MUC5B: variants seen among roughly 807,000 people sequenced by gnomAD.
MUC5B encodes mucin-5B.
MUC5B carries 116 observed loss-of-function variants against 376.9 expected under a neutral mutation model. The observed-to-expected ratio is 0.31, with a 90% CI of 0.26 to 0.36. The LOEUF (loss-of-function observed/expected upper bound fraction) is 0.36, where lower values mean the gene tolerates loss of function less well. MUC5B is among the 10% of genes least tolerant of loss of function. MUC5B has a pLI of 1.00. For synonymous variants in MUC5B, 3,517 were observed against 3,390.9 expected, an observed-to-expected ratio of 1.04 and a Z score of -1.29; for missense variants, 7,165 against 7,769.9, an observed-to-expected ratio of 0.92 and a Z score of 2.93.
chr11:1,235,521 C>T, intron 23 of MUC5B, 108 bp downstream of exon 23: 1 of 953,510 alleles, frequency 1.0e-6, no homozygotes, highest in Non-Finnish European at 1.6e-6. Context: ...CAGCAGTGTC[C>T]TGGCCCCGGG....
Position 1,247,481 on chromosome 11 carries a change from G to A in MUC5B, c.10601G>A (p.Arg3534Lys). ...GGGACGACCACCCCGGGCCACACCAGGGGCACCTCCAGGACCACAGCCACA... is the reference window on the plus strand; with the variant it reads ...GGGACGACCACCCCGGGCCACACCAAGGGCACCTCCAGGACCACAGCCACA... ...SPGTTTPGHT[R>K]GTSRTTATAT... The change falls in exon 31 of 49, where the codon AGG becomes AAG. Residue 3534 changes from arginine (R) to lysine (K), a missense_variant. Arg to Lys is a conservative substitution (Grantham distance 26). Around this residue, in one of 31 missense-constraint regions of MUC5B, gnomAD observed 939 missense variants for 770.6 expected, o/e 1.22. Transcript: ENST00000529681. The A allele has an allele frequency of 6.2e-7, 1 of 1,606,592 alleles. No homozygotes were observed. Among genetic ancestry groups the A allele is most frequent in the Non-Finnish European group, 8.5e-7 (1 of 1,176,782 alleles).
chr11:1,242,137 C>T lies in MUC5B; in HGVS notation c.5257C>T (p.Leu1753=), dbSNP rs762415832. The T allele has an allele frequency of 6.2e-7, 1 of 1,613,456 alleles. No individual in the cohort carries two copies. The highest frequency in any genetic ancestry group is 1.1e-5 in the South Asian group (1 of 91,080). ...TSLAPTLTSE[L]STSQAETSTP... is the part of the protein sequence containing the mutation. Reference sequence around the variant, plus strand: ...CCTGGCGCCAACACTCACGAGCGAGCTGTCCACCTCTCAGGCCGAGACCAG... The same window carrying T: ...CCTGGCGCCAACACTCACGAGCGAGTTGTCCACCTCTCAGGCCGAGACCAG... Residue 1753 remains leucine (L), a synonymous_variant, in exon 31 of 49, where the codon CTG becomes TTG. Transcript: ENST00000529681.
In MUC5B at chr11:1,242,664, C is replaced by T. The variant is rs531372664; in HGVS notation, c.5784C>T (p.Ser1928=). ...CTGGATCCACGGCCACCCCGACCTC[C>T]ACCCTGAGAACAGCTCCCCCTCCCA... The part of the protein sequence containing the change: ...ASTGSTATPT[S]TLRTAPPPKV... Residue 1928 remains serine, a synonymous_variant, in exon 31 of 49, where the codon TCC becomes TCT. Coordinates refer to ENST00000529681, the MANE Select transcript of MUC5B (RefSeq NM_002458.3). The T allele has an allele frequency of 5.9e-5, 95 of 1,613,702 alleles. No homozygotes were observed. The South Asian group carries it at 9.2e-4, about 16-fold the overall frequency.
chr11:1,240,437 G>A lies in MUC5B; in HGVS notation c.3970+62G>A. The A allele has an allele frequency of 2.1e-6, 3 of 1,440,718 alleles. No homozygotes were observed. The South Asian group carries it at 3.9e-5, about 19-fold the overall frequency. The allele number at this position is 1,440,718 out of a possible 1,614,324, so 89.2% of individuals were successfully genotyped here. ...TCTGGGTGACAAGGAGGACCCCCTG[G>A]GCTCTTAGTGCAGGTGCCCTGTATG... On this transcript the variant is annotated intron_variant, in intron 30 of 48. Transcript: ENST00000529681.
Position 1,254,210 on chromosome 11 carries a change from C to T in MUC5B, c.15336C>T (p.Leu5112=). ...MREIHARFGN[L]SLYLDNHYCT... ...AGATCCATGCACGCTTTGGGAATCTCAGCCTCTACCTGGACAACCACTACT... is the reference window on the plus strand; with the variant it reads ...AGATCCATGCACGCTTTGGGAATCTTAGCCTCTACCTGGACAACCACTACT... Residue 5112 remains leucine (L), a synonymous_variant, in exon 34 of 49, where the codon CTC becomes CTT. Coordinates refer to ENST00000529681, the MANE Select transcript of MUC5B (RefSeq NM_002458.3). 3 of 1,612,800 alleles carry T rather than the reference C, an allele frequency of 1.9e-6. No homozygotes were observed. Among genetic ancestry groups the T allele is most frequent in the Non-Finnish European group, 2.5e-6 (3 of 1,179,876 alleles).
At position 1,258,247 on chromosome 11, in the gene MUC5B, G is replaced by T. The variant is rs779953410; in HGVS notation, c.16555+44G>T. The T allele has an allele frequency of 4.8e-5, 75 of 1,575,926 alleles. No homozygotes were observed. Among genetic ancestry groups the T allele is most frequent in the Non-Finnish European group, 6.3e-5 (73 of 1,160,932 alleles). ...GGGCTCCTGGGTGGCCTCTTGCTGG[G>T]GGTGGGGGAGTGCAGGATGGTGGGG... On this transcript the variant is annotated intron_variant, in intron 42 of 48. Coordinates refer to ENST00000529681, the MANE Select transcript of MUC5B (RefSeq NM_002458.3). This position sits in a 1 kb window ranked among gnomAD's most constrained non-coding sequence, Gnocchi z 5.5.
Position 1,246,473 on chromosome 11 carries a change from G to A in MUC5B, c.9593G>A (p.Ser3198Asn). The A allele has an allele frequency of 1.2e-6, 2 of 1,608,124 alleles. No homozygotes were observed. The highest frequency in any genetic ancestry group is 1.1e-5 in the South Asian group (1 of 90,950). The stretch of plus-strand genomic sequence containing the variant: ...GCTGGCACCCTCAAAGTGCTGACCA[G>A]CACGGCCACCACACCCACAGTCATC... ...ATAGTLKVLT[S>N]TATTPTVISS... The change falls in exon 31 of 49, where the codon AGC becomes AAC. Residue 3198 changes from serine (S) to asparagine (N), a missense_variant. This residue lies in a region of MUC5B where 939 missense variants were observed against 770.6 expected (regional missense o/e 1.22). Transcript: ENST00000529681.
rs1211542994 is a variant in MUC5B, at chr11:1,234,804, G to A, written c.2630+124G>A. 26 of 1,136,756 alleles carry A rather than the reference G, an allele frequency of 2.3e-5. No homozygotes were observed. The highest frequency in any genetic ancestry group is 2.9e-5 in the Non-Finnish European group (24 of 825,654). 70.4% of individuals were successfully genotyped at this position (1,136,756 alleles called of 1,614,324 possible). On this transcript the variant is annotated intron_variant, in intron 21 of 48. Coordinates refer to ENST00000529681, the MANE Select transcript of MUC5B (RefSeq NM_002458.3). The surrounding 1 kb of genome is among the most constrained non-coding windows in gnomAD (Gnocchi z 6.3). ...GGGCAGGGGGCCAGCTGGCCAGGGT[G>A]AGGTGGGGCCGTGGCAGGAGAGAGA...
Position 1,244,947 on chromosome 11 carries a change from A to C in MUC5B, c.8067A>C (p.Ser2689=). ...CACAGACCAGTGGTACTCCCCCATC[A>C]CTGACCACCACGGCCACTACGATCA... ...SSTQTSGTPP[S]LTTTATTITA... The change falls in exon 31 of 49, where the codon TCA becomes TCC. Residue 2689 remains serine (S), a synonymous_variant. Coordinates refer to ENST00000529681, the MANE Select transcript of MUC5B (RefSeq NM_002458.3). 6.4e-7 allele frequency: 1 copy of C among 1,570,740 alleles called. No individual in the cohort carries two copies.
At chr11:1,226,344 T>A (rs1861881901) in intron 3 of MUC5B, 68 bp downstream of exon 3, 1 of 1,519,478 alleles carries the variant, frequency 6.6e-7, no homozygotes, top group East Asian at 2.5e-5. Context: ...GGGGCCCAGA[T>A]CTAGGGGTGC....
chr11:1,252,336 T>C lies in MUC5B; in HGVS notation c.14864-7T>C. On this transcript the variant is annotated splice_polypyrimidine_tract_variant and splice_region_variant and intron_variant, in intron 31 of 48. Coordinates refer to ENST00000529681, the MANE Select transcript of MUC5B (RefSeq NM_002458.3). ...GGCTTATCTTTCTATGGTGTTGTTC[T>C]TCACAGGGGAAGTCATCTACAATAA... The C allele has an allele frequency of 6.5e-7, 1 of 1,538,970 alleles. No individual in the cohort carries two copies. The highest frequency in any genetic ancestry group is 8.8e-7 in the Non-Finnish European group (1 of 1,141,558).
chr11:1,235,075 C>T lies in MUC5B; in HGVS notation c.2631-10C>T. ...CCCCTGTGAGCAGGCACCATTGTGG[C>T]CCCTTGCAGCACCTGCAGGAACCGG... On this transcript the variant is annotated splice_polypyrimidine_tract_variant and intron_variant, in intron 21 of 48. Coordinates refer to ENST00000529681, the MANE Select transcript of MUC5B (RefSeq NM_002458.3). 1 of 1,606,190 alleles carries T rather than the reference C, an allele frequency of 6.2e-7. No individual in the cohort carries two copies. The highest frequency in any genetic ancestry group is 1.1e-5 in the South Asian group (1 of 90,364).
rs558672788 is a variant in MUC5B at position 1,239,407 on chromosome 11, G to A, written c.3455-31G>A. The stretch of plus-strand genomic sequence containing the variant: ...ACAACAGGGGTGAGGGCTGGTGGGC[G>A]CCTCCTTAGCCTCTGCCCTCTGTGC... On this transcript the variant is annotated intron_variant, in intron 26 of 48. Transcript: ENST00000529681. 3.3e-5 allele frequency: 52 copies of A among 1,587,754 alleles called. No homozygotes were observed. The South Asian group carries it at 3.3e-4, about 10-fold the overall frequency.
intron 18 of MUC5B, among the ~76,000 whole-genome samples, chr11:1,233,492 A>G (rs1160094611): frequency 6.6e-6 from 1 of 152,168 alleles, no homozygotes; most frequent in Non-Finnish European, 1.5e-5. Context: ...GGCTGTTCTC[A>G]GCTGGGTCCA....
At chr11:1,231,671 C>A in intron 14 of MUC5B, 111 bp downstream of exon 14, 1 of 1,333,856 alleles carries the variant, frequency 7.5e-7, no homozygotes, top group Non-Finnish European at 1.0e-6. Flanking sequence ...GGGGAGGGGG[C>A]TGCCCCCAGG....
rs373706474 is a variant in MUC5B at position 1,226,232 on chromosome 11, G to C, written c.155G>C (p.Arg52Pro). Residue 52 changes from arginine (R) to proline (P), a missense_variant, in exon 3 of 49, where the codon CGC (arginine) becomes CCC (proline). This residue lies in a region of MUC5B where 640 missense variants were observed against 733.0 expected (regional missense o/e 0.87). Coordinates refer to ENST00000529681, the MANE Select transcript of MUC5B (RefSeq NM_002458.3). ...GCCCCGACGTCCTCGCCCACCCGGC[G>C]CGTGAGCTTTGTTCCACCCGTCACT... ...GGAPTSSPTR[R>P]VSFVPPVTVF... 1.3e-6 allele frequency: 2 copies of C among 1,556,008 alleles called. No homozygotes were observed. The highest frequency in any genetic ancestry group is 8.7e-7 in the Non-Finnish European group (1 of 1,151,688).
chr11:1,257,680 G>A lies in MUC5B; in HGVS notation c.16420G>A (p.Glu5474Lys), dbSNP rs1310068118. Reference protein sequence around the residue: ...GFVTVTRPRAENPCCPETVCV... With the variant: ...GFVTVTRPRAKNPCCPETVCV... ...CGTAACCGTGACCAGGCCCCGGGCC[G>A]AGAACCCCTGCTGCCCCGAGACGGT... Residue 5474 changes from glutamate (E) to lysine (K), a missense_variant, in exon 41 of 49, where the codon GAG (glutamate) becomes AAG (lysine). Physicochemically the swap from Glu to Lys is moderately conservative, Grantham distance 56. This residue lies in a region of MUC5B where 842 missense variants were observed against 1,016.9 expected (regional missense o/e 0.83). Transcript: ENST00000529681. This position sits in a 1 kb window ranked among gnomAD's most constrained non-coding sequence, Gnocchi z 8.9. 5.7e-6 allele frequency: 9 copies of A among 1,571,358 alleles called. No homozygotes were observed. The highest frequency in any genetic ancestry group is 1.3e-5 in the African/African-American group (1 of 74,186).
chr11:1,242,598 C>A lies in MUC5B; in HGVS notation c.5718C>A (p.Ile1906=), dbSNP rs745690041. 3 of 1,613,724 alleles carry A rather than the reference C, an allele frequency of 1.9e-6. No homozygotes were observed. The highest frequency in any genetic ancestry group is 1.1e-5 in the South Asian group (1 of 91,080). Residue 1906 remains isoleucine, a synonymous_variant, in exon 31 of 49, where the codon ATC becomes ATA. Coordinates refer to ENST00000529681, the MANE Select transcript of MUC5B (RefSeq NM_002458.3). ...CCTCAACTCCGGGGACGACCTGGAT[C>A]CTCACAAAGCCGACCACAACAGCCA... ...TPSSTPGTTW[I]LTKPTTTATT...
rs769522726 is a variant in MUC5B, at chr11:1,251,738, C to T, written c.14858C>T (p.Ser4953Leu). Residue 4953 changes from serine (S) to leucine (L), a missense_variant, in exon 31 of 49, where the codon TCG becomes TTG. By Grantham distance (145) the Ser-to-Leu change is moderately radical. Around this residue, in one of 31 missense-constraint regions of MUC5B, gnomAD observed 730 missense variants for 592.7 expected, o/e 1.23. Coordinates refer to ENST00000529681, the MANE Select transcript of MUC5B (RefSeq NM_002458.3). ...TGCAGGGCATTTGGACAGTTTTTCT[C>T]GCCCGGTGAGTGCATGTGGATAACA... ...CFCRAFGQFF[S>L]PGEVIYNKTD... 4.2e-5 allele frequency: 66 copies of T among 1,589,182 alleles called. No homozygotes were observed. In the Admixed American group the frequency reaches 4.9e-4, roughly 12 times the overall value.
Sources: allele counts gnomAD v4.1 joint callset (sites outside exome capture counted in the v4.1 genomes callset), GRCh38; gene constraint gnomAD v4.1.1; regional missense constraint gnomAD v4.1.1; non-coding constraint Gnocchi (gnomAD v3.1); transcripts MANE v1.5; gene names NCBI Gene and HGNC (gene_info 2026-07-23, HGNC 2026-07-21).